The following DNAH14 variants were observed in gnomAD, a reference collection of about 807,000 sequenced individuals.
DNAH14 encodes dynein axonemal heavy chain 14, also known as axonemal beta dynein heavy chain 14.
In DNAH14, 478 loss-of-function variants were observed where a neutral mutation model predicts 520.9. The ratio of observed to expected loss-of-function variants is 0.92; its 90% confidence interval spans 0.85 to 0.99. DNAH14 has a LOEUF of 0.99. Ranked by LOEUF, DNAH14 falls within the 50% of genes least tolerant of loss-of-function variation. The pLI is 0.00. For missense variants in DNAH14, 4,831 were observed against 5,234.5 expected (o/e 0.92, Z 2.38); for synonymous variants, 1,581 against 1,757.2 (o/e 0.90, Z 2.51).
intron 17 of DNAH14, among the ~76,000 whole-genome samples, chr1:225,053,596 T>G (rs145536820): frequency 6.6e-6 from 1 of 152,218 alleles, no homozygotes; most frequent in African/African-American, 2.4e-5. Flanking sequence ...TCTGATTCAG[T>G]GTAGTAACAA....
chr1:225,235,095 G>A (rs991762806), intron 42 of DNAH14, among the ~76,000 whole-genome samples: 1 of 152,126 alleles, frequency 6.6e-6, no homozygotes, highest in Admixed American at 6.5e-5. Context: ...AATAGGAGTG[G>A]TGAAAGACAG....
At chr1:225,088,973 G>A (rs751905542) in intron 21 of DNAH14, among the ~76,000 whole-genome samples, 4 of 152,096 alleles carry the variant, frequency 2.6e-5, no homozygotes, top group Non-Finnish European at 5.9e-5. Flanking sequence ...TTCCTACAAG[G>A]AATAGTCTTG....
chr1:225,289,186 C>T (rs1161348358), intron 54 of DNAH14, among the ~76,000 whole-genome samples: 1 of 152,038 alleles, frequency 6.6e-6, no homozygotes, highest in African/African-American at 2.4e-5. Context: ...TAAAATAAAT[C>T]AGATACATTA....
chr1:225,089,021 A>C (rs2074079319), intron 21 of DNAH14, among the ~76,000 whole-genome samples: 1 of 152,212 alleles, frequency 6.6e-6, no homozygotes, highest in Non-Finnish European at 1.5e-5. Context: ...TAAGGAATTT[A>C]ATTTCATTTA....
Position 225,003,905 on chromosome 1 carries a change from A to C in DNAH14, c.975+978A>C, listed in dbSNP as rs188637146. On this transcript the variant is annotated intron_variant, in intron 9 of 85. Transcript: ENST00000682510. ...TATTTTGTAAATGGCTGAGTGACAA[A>C]ATTTATTAATTTTTAATGATGGGTG... Among the ~76,000 whole-genome samples, 462 of 152,142 alleles carry C rather than the reference A, an allele frequency of 3.0e-3. 2 individuals are homozygous for C. Among genetic ancestry groups the C allele is most frequent in the African/African-American group, 0.011 (440 of 41,536 alleles).
intron 43 of DNAH14, among the ~76,000 whole-genome samples, chr1:225,251,229 A>G (rs1308760114): frequency 2.0e-5 from 3 of 151,090 alleles, no homozygotes; most frequent in African/African-American, 7.3e-5. Flanking sequence ...GCTATAGTGC[A>G]ATAGCGTGAT....
chr1:225,225,455 C>G (rs761180633), intron 41 of DNAH14, among the ~76,000 whole-genome samples: 3 of 152,132 alleles, frequency 2.0e-5, no homozygotes, highest in Non-Finnish European at 4.4e-5. Context: ...TGCCAGCTCA[C>G]AATTTCAACA....
intron 11 of DNAH14, among the ~76,000 whole-genome samples, chr1:225,038,420 A>G (rs1041503072): frequency 6.7e-6 from 1 of 148,262 alleles, no homozygotes; most frequent in Non-Finnish European, 1.5e-5. Context: ...ATTATTTATT[A>G]TTTTCTGTTT....
At chr1:225,095,017 A>G (rs2074821853) in intron 21 of DNAH14, among the ~76,000 whole-genome samples, 1 of 152,144 alleles carries the variant, frequency 6.6e-6, no homozygotes, top group Non-Finnish European at 1.5e-5. Flanking sequence ...GTCAAAAAAT[A>G]ACAGATGCCA....
chr1:224,967,414 T>TA lies in DNAH14; in HGVS notation c.499-17_499-16insA, dbSNP rs2125600639. On this transcript the variant is annotated splice_polypyrimidine_tract_variant and intron_variant, in intron 5 of 85. Transcript: ENST00000682510. The stretch of plus-strand genomic sequence containing the variant: ...CAAATTAATTAAATTTGTTTATTAT[T>TA]TTTTTTTTAATCTCAGAAACCTTTG... 6.7e-7 allele frequency: 1 copy of TA among 1,501,248 alleles called. No homozygotes were observed. 93.0% of individuals were successfully genotyped at this position (1,501,248 alleles called of 1,614,324 possible). A position where few individuals can be genotyped will look rare whatever the true frequency, so the allele number is the denominator to read the frequency against.
intron 41 of DNAH14, 97 bp downstream of exon 41, chr1:225,207,317 C>A: frequency 3.0e-6 from 4 of 1,314,754 alleles, no homozygotes; most frequent in South Asian, 3.7e-5. Flanking sequence ...TTTCAAAGAG[C>A]AGGCATTTTT....
At chr1:225,098,202 GA>G (rs549695780) in intron 22 of DNAH14, among the ~76,000 whole-genome samples, 10,357 of 141,814 alleles carry the variant, frequency 0.073, 1,143 homozygotes, top group African/African-American at 0.24. Flanking sequence ...ACTGTTTCAA[GA>G]AAAAAAAAAA....
intron 42 of DNAH14, among the ~76,000 whole-genome samples, chr1:225,236,021 G>A (rs2091554114): frequency 6.6e-6 from 1 of 151,942 alleles, no homozygotes; most frequent in African/African-American, 2.4e-5. Flanking sequence ...GATTTTTCAT[G>A]TCTCTATCTC....
intron 54 of DNAH14, among the ~76,000 whole-genome samples, chr1:225,282,017 G>C (rs896687911): frequency 6.6e-6 from 1 of 152,138 alleles, no homozygotes; most frequent in Non-Finnish European, 1.5e-5. Context: ...ATTTTAAGTA[G>C]TGTGATTGTG....
intron 74 of DNAH14, 121 bp downstream of exon 74, chr1:225,358,773 G>C (rs925296136): frequency 3.0e-5 from 30 of 1,016,586 alleles, no homozygotes; most frequent in Non-Finnish European, 3.8e-5. Flanking sequence ...CCAGGTAGAG[G>C]TAATTGGATC....
rs1485715362 is a variant in DNAH14 at position 225,206,089 on chromosome 1, T to A, written c.6096T>A (p.Ala2032=). The A allele has an allele frequency of 1.3e-6, 2 of 1,551,424 alleles. No individual in the cohort carries two copies. The highest frequency in any genetic ancestry group is 4.9e-5 in the East Asian group (2 of 40,918). Residue 2032 remains alanine (A), a synonymous_variant, in exon 40 of 86, where the codon GCT becomes GCA. Coordinates refer to ENST00000682510, the MANE Select transcript of DNAH14 (RefSeq NM_001367479.1). ...TLCLANSERI[A]LTNKIRVIFE... The stretch of plus-strand genomic sequence containing the variant: ...GCCTAGCAAACAGTGAGAGAATAGC[T>A]TTAACTAATAAAATAAGAGTGATTT...
At chr1:225,079,626 A>G in intron 18 of DNAH14, 78 bp downstream of exon 18, 2 of 953,608 alleles carry the variant, frequency 2.1e-6, no homozygotes, top group Non-Finnish European at 1.5e-6. Flanking sequence ...GCATTTGGGT[A>G]TTTGCTTTCA....
intron 17 of DNAH14, among the ~76,000 whole-genome samples, chr1:225,057,348 A>G (rs2069260972): frequency 6.6e-6 from 1 of 152,180 alleles, no homozygotes; most frequent in Non-Finnish European, 1.5e-5. Flanking sequence ...TTGGTGTATA[A>G]GAATGCTTTT....
intron 81 of DNAH14, among the ~76,000 whole-genome samples, chr1:225,383,082 T>C (rs1327088371): frequency 1.3e-5 from 2 of 152,190 alleles, no homozygotes; most frequent in African/African-American, 4.8e-5. Flanking sequence ...GGGTTTTCTT[T>C]TGGACTCATG....
Sources: gnomAD v4.1 joint callset for allele counts (sites outside exome capture counted in the v4.1 genomes callset) on GRCh38, gnomAD v4.1.1 for gene constraint, MANE v1.5 for transcripts, NCBI Gene and HGNC (gene_info 2026-07-23, HGNC 2026-07-21) for gene names.